Variants in PYGB observed in about 807,000 individuals in gnomAD.
The protein encoded by PYGB is glycogen phosphorylase B.
Under a neutral mutation model 94.3 loss-of-function variants are expected in PYGB, and 82 were observed. The observed-to-expected ratio is 0.87, with a 90% CI of 0.73 to 1.04. The LOEUF is 1.04. PYGB is among the 50% of genes least tolerant of loss of function. The pLI, the probability that PYGB is intolerant of heterozygous loss-of-function variation, is 0.00. For missense variants in PYGB, 1,132 were observed against 1,158.2 expected (o/e 0.98, Z 0.33); for synonymous variants, 488 against 479.1 (o/e 1.02, Z -0.24).
intron 1 of PYGB, among the ~76,000 whole-genome samples, chr20:25,255,027 G>C (rs191527257): frequency 1.3e-5 from 2 of 152,316 alleles, no homozygotes; most frequent in Non-Finnish European, 2.9e-5. Flanking sequence ...GATCCACGTT[G>C]AGAAGCCTGC....
chr20:25,286,031 C>T (rs1019930219), intron 14 of PYGB, among the ~76,000 whole-genome samples: 12 of 152,194 alleles, frequency 7.9e-5, no homozygotes, highest in African/African-American at 2.2e-4. Flanking sequence ...AGGGCCCTAC[C>T]GGGCACTGTC....
intron 17 of PYGB, 121 bp downstream of exon 17, chr20:25,292,734 C>T (rs1405445584): frequency 3.5e-5 from 44 of 1,257,176 alleles, no homozygotes; most frequent in Non-Finnish European, 4.4e-5. Flanking sequence ...GGGTCAGTGC[C>T]CACCCAGGGC....
chr20:25,291,868 A>G (rs563279134), intron 16 of PYGB, among the ~76,000 whole-genome samples: 13 of 152,238 alleles, frequency 8.5e-5, no homozygotes, highest in Admixed American at 5.9e-4. Context: ...GTGCACTCAC[A>G]GCGTGTCTGG....
intron 5 of PYGB, among the ~76,000 whole-genome samples, chr20:25,276,044 G>C (rs980590872): frequency 3.9e-5 from 6 of 152,206 alleles, no homozygotes; most frequent in Admixed American, 1.3e-4. Context: ...CTTGGTGGTA[G>C]CGGAGCTGAT....
chr20:25,294,332 G>T, intron 18 of PYGB, 40 bp downstream of exon 18: 2 of 905,178 alleles, frequency 2.2e-6, no homozygotes, highest in Non-Finnish European at 1.7e-6. Flanking sequence ...GGGAGGGAGG[G>T]AGGGAGGGAG....
chr20:25,255,921 C>T (rs1403631594), intron 1 of PYGB, among the ~76,000 whole-genome samples: 2 of 151,992 alleles, frequency 1.3e-5, no homozygotes, highest in Admixed American at 6.6e-5. Flanking sequence ...TTAGTAGAGA[C>T]GGGGTTTCAT....
chr20:25,278,285 G>GGGACTGGGTCATGGGGCATGTGC (rs763262920), intron 7 of PYGB, 34 bp from the exon 8 acceptor site: 1 of 1,606,992 alleles, frequency 6.2e-7, no homozygotes. Context: ...GAATGGCCCA[G>GGGACTGGGTCATGGGGCATGTGC]CCTGCACCCT....
chr20:25,276,578 C>G (rs1049328246), intron 5 of PYGB, 68 bp from the exon 6 acceptor site: 1 of 1,369,124 alleles, frequency 7.3e-7, no homozygotes, highest in Non-Finnish European at 1.0e-6. Context: ...GAGGCTGGGC[C>G]GGGGAGAGGC....
chr20:25,285,439 G>C (rs952754807), intron 14 of PYGB: 1 of 151,936 alleles, frequency 6.6e-6, no homozygotes, highest in Non-Finnish European at 1.5e-5. Flanking sequence ...TTTAGTGTTG[G>C]CCTTCAGGCT....
chr20:25,268,353 C>G (rs896792699), intron 2 of PYGB, among the ~76,000 whole-genome samples: 1 of 150,346 alleles, frequency 6.7e-6, no homozygotes, highest in South Asian at 2.1e-4. Flanking sequence ...CACTACCACT[C>G]TTCTCAATGG....
intron 1 of PYGB, chr20:25,250,946 A>G (rs1199695468): frequency 6.6e-6 from 1 of 152,210 alleles, no homozygotes; most frequent in Non-Finnish European, 1.5e-5. Context: ...TGTGTTCTAC[A>G]TTGTTTTTTC....
At chr20:25,250,039 C>T (rs1210528688) in intron 1 of PYGB, among the ~76,000 whole-genome samples, 1 of 152,054 alleles carries the variant, frequency 6.6e-6, no homozygotes, top group Non-Finnish European at 1.5e-5. Context: ...TTAGTAGAGA[C>T]GGGGTTTCAC....
At chr20:25,256,502 AAAAAAAC>A (rs1347858002) in intron 1 of PYGB, among the ~76,000 whole-genome samples, 2 of 147,484 alleles carry the variant, frequency 1.4e-5, no homozygotes, top group East Asian at 3.9e-4. Context: ...TCTCAAAAAA[AAAAAAAC>A]AAAAACAAAA....
intron 1 of PYGB, among the ~76,000 whole-genome samples, chr20:25,256,319 A>G (rs1283925993): frequency 6.6e-6 from 1 of 151,262 alleles, no homozygotes; most frequent in Non-Finnish European, 1.5e-5. Flanking sequence ...ATTTTCATCT[A>G]TTTTTGAGCT....
At chr20:25,293,927 A>G in intron 17 of PYGB, 2 of 572,220 alleles carry the variant, frequency 3.5e-6, no homozygotes, top group South Asian at 2.0e-5. Context: ...TTAACAGTCA[A>G]AGGAGCAGGT....
At chr20:25,258,707 C>G (rs2123520001) in intron 1 of PYGB, among the ~76,000 whole-genome samples, 1 of 152,374 alleles carries the variant, frequency 6.6e-6, no homozygotes, top group Admixed American at 6.5e-5. Context: ...AGGCATCAGC[C>G]AAGAGACTTC....
rs75685904 is a variant in PYGB, at chr20:25,297,150, A to G, written c.*628A>G. 2.6e-5 allele frequency: 4 copies of G among 152,948 alleles called. No homozygotes were observed. Among genetic ancestry groups the G allele is most frequent in the South Asian group, 2.1e-4 (1 of 4,848 alleles). 9.5% of individuals were successfully genotyped at this position (152,948 alleles called of 1,614,324 possible). A position where few individuals can be genotyped will look rare whatever the true frequency, so the allele number is the denominator to read the frequency against. ...GGGGCTTTCCCTTTGTAGCCATCCA[A>G]TGGGCATTGTGTGGGTGCTTGGAAC... On this transcript the variant is annotated 3_prime_UTR_variant, in exon 20 of 20. Coordinates refer to ENST00000216962, the MANE Select transcript of PYGB (RefSeq NM_002862.4).
rs765338122 is a variant in PYGB at position 25,294,140 on chromosome 20, T to A, written c.2178-18T>A. 2 of 1,612,236 alleles carry A rather than the reference T, an allele frequency of 1.2e-6. No homozygotes were observed. Among genetic ancestry groups the A allele is most frequent in the African/African-American group, 2.7e-5 (2 of 74,908 alleles). On this transcript the variant is annotated intron_variant, in intron 17 of 19. Transcript: ENST00000216962. The stretch of plus-strand genomic sequence containing the variant: ...ACCTGGGGCGCTGGCTGCTGACTCC[T>A]GGCCCATCGCCTCACAGGTACAATG...
At chr20:25,258,074 G>A (rs1272119015) in intron 1 of PYGB, among the ~76,000 whole-genome samples, 1 of 152,188 alleles carries the variant, frequency 6.6e-6, no homozygotes, top group African/African-American at 2.4e-5. Flanking sequence ...ATACAGTAAT[G>A]TAGAAGCCTA....
Sources: allele counts gnomAD v4.1 joint callset (sites outside exome capture counted in the v4.1 genomes callset), GRCh38; gene constraint gnomAD v4.1.1; transcripts MANE v1.5; gene names NCBI Gene and HGNC (gene_info 2026-07-23, HGNC 2026-07-21).